The following INSL6 variants were observed in gnomAD, a reference collection of about 807,000 sequenced individuals.
INSL6 encodes the protein insulin like 6.
Under a neutral mutation model 9.4 loss-of-function variants are expected in INSL6, and 16 were observed. That is an observed-to-expected ratio of 1.70 (90% CI 1.15 to 2.59). The LOEUF (loss-of-function observed/expected upper bound fraction) is 2.59, where lower values mean the gene tolerates loss of function less well. Among genes scored for constraint, INSL6 ranks in the 30% most tolerant of loss-of-function variants. The pLI, the probability that INSL6 is intolerant of heterozygous loss-of-function variation, is 0.00. For synonymous variants in INSL6, 154 were observed against 96.9 expected (o/e 1.59, Z -3.46); for missense variants, 391 against 257.3 (o/e 1.52, Z -3.56).
the INSL6 span, chr9:5,044,567 C>A: frequency 1.7e-6 from 2 of 1,191,056 alleles, no homozygotes; most frequent in Non-Finnish European, 2.4e-6. Context: ...TGATAAATAT[C>A]TTGCTGTTTA....
downstream of INSL6, among the ~76,000 whole-genome samples, chr9:5,159,244 A>G (rs1320835707): frequency 6.6e-6 from 1 of 152,198 alleles, no homozygotes; most frequent in Non-Finnish European, 1.5e-5. Flanking sequence ...GAAGATCACA[A>G]AATAACCAGA....
the INSL6 span, chr9:5,096,750 G>A: frequency 6.6e-6 from 1 of 152,170 alleles, no homozygotes; most frequent in Admixed American, 6.5e-5. Context: ...AGTGGGGATA[G>A]TGGGTACCTC....
chr9:4,992,972 C>T, the INSL6 span, among the ~76,000 whole-genome samples: 3 of 152,110 alleles, frequency 2.0e-5, no homozygotes, highest in African/African-American at 7.2e-5. Context: ...ACCCCTGCAC[C>T]CAACCCATAT....
the INSL6 span, among the ~76,000 whole-genome samples, chr9:5,116,829 G>C: frequency 6.6e-6 from 1 of 152,260 alleles, no homozygotes; most frequent in African/African-American, 2.4e-5. Context: ...TCATAATTAG[G>C]AAAAGTCATA....
chr9:5,065,198 AATT>A, the INSL6 span, among the ~76,000 whole-genome samples: 1 of 152,216 alleles, frequency 6.6e-6, no homozygotes, highest in African/African-American at 2.4e-5. Context: ...TAATAATTAG[AATT>A]ATTTAGTGTA....
At chr9:5,089,859 T>C in the INSL6 span, 2 of 1,489,476 alleles carry the variant, frequency 1.3e-6, no homozygotes, top group Non-Finnish European at 1.8e-6. Flanking sequence ...TGTGCTACAG[T>C]GCTGGTAAGC....
the INSL6 span, among the ~76,000 whole-genome samples, chr9:5,001,234 A>G: frequency 2.9e-4 from 44 of 152,176 alleles, no homozygotes; most frequent in Admixed American, 2.9e-3. Context: ...CCAGTGTTGA[A>G]TAGAAATGGT....
chr9:5,135,539 A>C (rs1352096183), intron 2 of INSL6, among the ~76,000 whole-genome samples: 1 of 152,326 alleles, frequency 6.6e-6, no homozygotes, highest in Non-Finnish European at 1.5e-5. Context: ...AAATAACAAA[A>C]TGAAGGCAGA....
chr9:5,104,167 C>A, the INSL6 span, among the ~76,000 whole-genome samples: 1 of 151,808 alleles, frequency 6.6e-6, no homozygotes, highest in Non-Finnish European at 1.5e-5. Context: ...ACACTGCTAG[C>A]AAGACTAATA....
At chr9:5,008,829 C>G in the INSL6 span, among the ~76,000 whole-genome samples, 1 of 152,156 alleles carries the variant, frequency 6.6e-6, no homozygotes, top group Admixed American at 6.5e-5. Flanking sequence ...CATTCGTCCT[C>G]CATCTAGAGC....
At chr9:5,084,078 T>A in the INSL6 span, among the ~76,000 whole-genome samples, 5 of 152,278 alleles carry the variant, frequency 3.3e-5, no homozygotes, top group Admixed American at 3.3e-4. Context: ...TTTTTAGTGT[T>A]TTCCATAGTT....
intron 2 of INSL6, among the ~76,000 whole-genome samples, chr9:5,140,674 GATA>G (rs1294908393): frequency 6.6e-6 from 1 of 151,904 alleles, no homozygotes; most frequent in Non-Finnish European, 1.5e-5. Context: ...GGCAGAGCCA[GATA>G]TTAACTTCAA....
chr9:5,143,980 A>C (rs1450378047), intron 2 of INSL6, among the ~76,000 whole-genome samples: 1 of 151,278 alleles, frequency 6.6e-6, no homozygotes, highest in Non-Finnish European at 1.5e-5. Flanking sequence ...CTTTCGAATC[A>C]TTTTTCCTGT....
At chr9:5,168,811 T>G (rs1825115550) in intron 1 of INSL6, among the ~76,000 whole-genome samples, 1 of 141,708 alleles carries the variant, frequency 7.1e-6, no homozygotes, top group Admixed American at 6.9e-5. Flanking sequence ...GAAGGAATGT[T>G]AAGTGCAGCC....
the INSL6 span, among the ~76,000 whole-genome samples, chr9:5,030,864 A>G: frequency 1.3e-5 from 2 of 152,122 alleles, no homozygotes; most frequent in Admixed American, 6.5e-5. Flanking sequence ...TATTTTTTAT[A>G]TAATTATTGA....
the INSL6 span, among the ~76,000 whole-genome samples, chr9:5,048,363 G>A: frequency 2.0e-5 from 3 of 151,918 alleles, no homozygotes; most frequent in African/African-American, 4.8e-5. Context: ...GGCTGGTCTC[G>A]AACTCCTGAC....
the INSL6 span, among the ~76,000 whole-genome samples, chr9:5,060,944 A>C: frequency 6.6e-6 from 1 of 152,356 alleles, no homozygotes; most frequent in East Asian, 1.9e-4. Flanking sequence ...TTGTGTCACC[A>C]GGTCTGAAAA....
At chr9:5,141,010 C>T (rs1472831533) in intron 2 of INSL6, among the ~76,000 whole-genome samples, 1 of 152,052 alleles carries the variant, frequency 6.6e-6, no homozygotes, top group Non-Finnish European at 1.5e-5. Flanking sequence ...TGGCCTCTAG[C>T]TCCATCCATG....
chr9:5,099,466 C>A, the INSL6 span: 1 of 152,158 alleles, frequency 6.6e-6, no homozygotes, highest in African/African-American at 2.4e-5. Flanking sequence ...TAACTTTATT[C>A]TCCATTATTC....
Sources: allele counts gnomAD v4.1 joint callset (sites outside exome capture counted in the v4.1 genomes callset), GRCh38; gene constraint gnomAD v4.1.1; transcripts MANE v1.5; gene names NCBI Gene and HGNC (gene_info 2026-07-23, HGNC 2026-07-21).